Variants in CDH22 observed in about 807,000 individuals in gnomAD.
The protein encoded by CDH22 is cadherin 22, also known as cadherin-22.
A neutral mutation model predicts 58.4 loss-of-function variants in CDH22; 30 were observed. The observed-to-expected ratio is 0.51, with a 90% confidence interval of 0.38 to 0.70. CDH22 has a LOEUF of 0.70. Ranked by LOEUF, CDH22 falls within the 30% of genes least tolerant of loss-of-function variation. The pLI, the probability that CDH22 is intolerant of heterozygous loss-of-function variation, is 0.00. For synonymous variants in CDH22, 513 were observed against 558.2 expected (o/e 0.92, Z 1.14); for missense variants, 1,014 against 1,233.9 (o/e 0.82, Z 2.67).
Position 46,175,075 on chromosome 20 carries a change from G to T in CDH22, c.1918C>A (p.Leu640Met). Residue 640 changes from leucine to methionine, a missense_variant and splice_region_variant, in exon 12 of 12, where the codon CTG becomes ATG. Leu to Met is a conservative substitution (Grantham distance 15, BLOSUM62 2). Around this residue, in one of 2 missense-constraint regions of CDH22, gnomAD observed 806 missense variants for 1,038.7 expected, o/e 0.78. Transcript: ENST00000537909. The stretch of plus-strand genomic sequence containing the variant: ...CTGAGGGTGAGGATCAGCAGCACCA[G>T]CACTGCGAGGGGGACAGAGGGGGCA... ...LLVCVLILVV[L>M]VLLILTLRRH... 1 of 1,594,084 alleles carries T rather than the reference G, an allele frequency of 6.3e-7. No individual in the cohort carries two copies.
intron 8 of CDH22, among the ~76,000 whole-genome samples, chr20:46,189,733 CA>C (rs1277743532): frequency 6.6e-6 from 1 of 152,206 alleles, no homozygotes; most frequent in African/African-American, 2.4e-5. Context: ...AGAGGTGGGG[CA>C]GCTGAGTGAC....
In CDH22 at chr20:46,216,851, A is replaced by G. The variant is rs1252626549; in HGVS notation, c.813T>C (p.Asn271=). 6.2e-7 allele frequency: 1 copy of G among 1,602,692 alleles called. No homozygotes were observed. The highest frequency in any genetic ancestry group is 1.1e-5 in the South Asian group (1 of 90,854). ...TTVTIVVTDV[N]DNPPRFPQKM... ...TCTGCGGGAAACGGGGCGGGTTGTC[A>G]TTGACGTCGGTGACTACGATGGTGA... The change falls in exon 5 of 12, where the codon AAT becomes AAC. Residue 271 remains asparagine, a synonymous_variant. Coordinates refer to ENST00000537909, the MANE Select transcript of CDH22 (RefSeq NM_021248.3). This position sits in a 1 kb window ranked among gnomAD's most constrained non-coding sequence, Gnocchi z 5.3.
intron 5 of CDH22, among the ~76,000 whole-genome samples, chr20:46,215,078 C>G (rs190130401): frequency 1.3e-5 from 2 of 152,212 alleles, no homozygotes; most frequent in African/African-American, 4.8e-5. Flanking sequence ...TGGACATGTG[C>G]GTTTCCTCAT....
intron 3 of CDH22, among the ~76,000 whole-genome samples, chr20:46,240,617 C>T (rs1033219927): frequency 2.6e-5 from 4 of 152,138 alleles, no homozygotes; most frequent in South Asian, 2.1e-4. Flanking sequence ...GAGTTGTATG[C>T]GGGGCTGGGC....
At chr20:46,273,847 G>T (rs898137114) in intron 1 of CDH22, among the ~76,000 whole-genome samples, 5 of 152,182 alleles carry the variant, frequency 3.3e-5, no homozygotes, top group Non-Finnish European at 5.9e-5. Flanking sequence ...GCTAGGAGTG[G>T]GCAGAGAAGC....
At chr20:46,302,012 C>G (rs1265663138) in intron 1 of CDH22, among the ~76,000 whole-genome samples, 5 of 152,210 alleles carry the variant, frequency 3.3e-5, no homozygotes, top group African/African-American at 4.8e-5. Flanking sequence ...TGGTCCAGCT[C>G]TCTGGGGAGG....
chr20:46,186,580 A>G lies in CDH22; in HGVS notation c.1663+8T>C. On this transcript the variant is annotated splice_region_variant and intron_variant, in intron 10 of 11. Coordinates refer to ENST00000537909, the MANE Select transcript of CDH22 (RefSeq NM_021248.3). ...TCCCTTCTTGCATCCTAGGGTTTGG[A>G]GGCTCACCTTGGATGTCAAGCAGAG... The G allele has an allele frequency of 1.3e-6, 2 of 1,589,094 alleles. No homozygotes were observed. The highest frequency in any genetic ancestry group is 2.2e-5 in the East Asian group (1 of 44,762).
At chr20:46,182,622 C>T (rs2085797763) in intron 10 of CDH22, among the ~76,000 whole-genome samples, 1 of 152,218 alleles carries the variant, frequency 6.6e-6, no homozygotes, top group African/African-American at 2.4e-5. Flanking sequence ...TCAAGCTGCC[C>T]TCCTGGGCAG....
intron 1 of CDH22, among the ~76,000 whole-genome samples, chr20:46,277,164 G>C (rs2086522645): frequency 1.3e-5 from 2 of 151,682 alleles, no homozygotes; most frequent in Admixed American, 1.3e-4. Flanking sequence ...AAAAAGGAAA[G>C]GCCCAGGACA....
chr20:46,180,435 C>A (rs6032706), intron 10 of CDH22, among the ~76,000 whole-genome samples: 11 of 152,286 alleles, frequency 7.2e-5, no homozygotes, highest in Non-Finnish European at 7.4e-5. Context: ...GCTCTCCCCC[C>A]AAAGGATGCG....
rs1044719280 is a variant in CDH22 at position 46,251,457 on chromosome 20, C to T, written c.-163G>A. 2 of 742,420 alleles carry T rather than the reference C, an allele frequency of 2.7e-6. No homozygotes were observed. Among genetic ancestry groups the T allele is most frequent in the East Asian group, 3.6e-5 (1 of 27,460 alleles). The allele number at this position is 742,420 out of a possible 1,614,324, so 46.0% of individuals were successfully genotyped here. ...ACCCGGACGGGCCCGCGGCCCTGAA[C>T]GCCGCCCAGCCGCGGGGGTACCCGG... On this transcript the variant is annotated 5_prime_UTR_variant, in exon 2 of 12. Transcript: ENST00000537909. This position sits in a 1 kb window ranked among gnomAD's most constrained non-coding sequence, Gnocchi z 6.7.
chr20:46,239,508 T>C (rs932673683), intron 3 of CDH22, among the ~76,000 whole-genome samples: 1 of 152,210 alleles, frequency 6.6e-6, no homozygotes, highest in African/African-American at 2.4e-5. Context: ...ACTTGCTCAT[T>C]ATCCCAGCAA....
chr20:46,198,457 G>T (rs1228465172), intron 8 of CDH22, among the ~76,000 whole-genome samples: 1 of 152,056 alleles, frequency 6.6e-6, no homozygotes, highest in Non-Finnish European at 1.5e-5. Context: ...CCCAAAGCCA[G>T]CCACTTCTCA....
chr20:46,211,992 C>T (rs903328174), intron 6 of CDH22, among the ~76,000 whole-genome samples: 5 of 152,054 alleles, frequency 3.3e-5, no homozygotes, highest in Admixed American at 3.3e-4. Context: ...TTGAAGGGTG[C>T]CTGGCATGTG....
chr20:46,210,107 C>T lies in CDH22; in HGVS notation c.1286+200G>A, dbSNP rs938267568. The T allele has an allele frequency of 1.8e-5, 9 of 495,036 alleles. No homozygotes were observed. Among genetic ancestry groups the T allele is most frequent in the African/African-American group, 1.4e-4 (7 of 49,260 alleles). 30.7% of individuals were successfully genotyped at this position (495,036 alleles called of 1,614,324 possible). ...TCGCCTGCCTGTCTCATTGACTGTTCTCACATCTGCTTCCTTGGCTCTTTG... is the reference window on the plus strand; with the variant it reads ...TCGCCTGCCTGTCTCATTGACTGTTTTCACATCTGCTTCCTTGGCTCTTTG... On this transcript the variant is annotated intron_variant, in intron 7 of 11. Transcript: ENST00000537909. This position sits in a 1 kb window ranked among gnomAD's most constrained non-coding sequence, Gnocchi z 4.5.
intron 1 of CDH22, among the ~76,000 whole-genome samples, chr20:46,293,295 T>C (rs2086613300): frequency 6.6e-6 from 1 of 152,180 alleles, no homozygotes; most frequent in Non-Finnish European, 1.5e-5. Flanking sequence ...AAAATGCTTT[T>C]ATCCTCCATG....
At chr20:46,186,553 C>A (rs1275938102) in intron 10 of CDH22, 35 bp downstream of exon 10, 4 of 1,425,228 alleles carry the variant, frequency 2.8e-6, no homozygotes, top group Non-Finnish European at 3.9e-6. Flanking sequence ...AGACTGTGCC[C>A]CTCCCTTCTT....
intron 2 of CDH22, among the ~76,000 whole-genome samples, chr20:46,242,576 G>A (rs1374567653): frequency 1.3e-5 from 2 of 152,178 alleles, no homozygotes; most frequent in East Asian, 3.9e-4. Context: ...AGCACGGTGG[G>A]GGCACTGCCC....
At chr20:46,213,831 A>C (rs2086062177) in intron 5 of CDH22, among the ~76,000 whole-genome samples, 1 of 152,212 alleles carries the variant, frequency 6.6e-6, no homozygotes, top group Non-Finnish European at 1.5e-5. Flanking sequence ...TTACAGCAAC[A>C]AATAAAATGG....
Sources: gnomAD v4.1 joint callset for allele counts (sites outside exome capture counted in the v4.1 genomes callset) on GRCh38, gnomAD v4.1.1 for gene constraint, gnomAD v4.1.1 regional missense constraint, Gnocchi (gnomAD v3.1) non-coding constraint, MANE v1.5 for transcripts, NCBI Gene and HGNC (gene_info 2026-07-23, HGNC 2026-07-21) for gene names.